The following RPGRIP1L variants were observed in gnomAD, a reference collection of about 807,000 sequenced individuals.
RPGRIP1L encodes protein fantom.
RPGRIP1L carries 131 observed loss-of-function variants against 160.4 expected under a neutral mutation model. The ratio of observed to expected loss-of-function variants is 0.82; its 90% confidence interval spans 0.71 to 0.94. The LOEUF is 0.94. Ranked by LOEUF, RPGRIP1L falls within the 40% of genes least tolerant of loss-of-function variation. RPGRIP1L has a pLI of 0.00. For synonymous variants in RPGRIP1L, 510 were observed against 515.8 expected, an observed-to-expected ratio of 0.99 and a Z score of 0.15; for missense variants, 1,522 against 1,535.8, an observed-to-expected ratio of 0.99 and a Z score of 0.15.
At chr16:53,682,918 A>T (rs575535436) in intron 6 of RPGRIP1L, among the ~76,000 whole-genome samples, 1 of 152,284 alleles carries the variant, frequency 6.6e-6, no homozygotes, top group African/African-American at 2.4e-5. Context: ...AAAAATATTC[A>T]TGTTTCTTTT....
At chr16:53,700,550 T>G in intron 2 of RPGRIP1L, 89 bp downstream of exon 2, 1 of 1,002,290 alleles carries the variant, frequency 1.0e-6, no homozygotes, top group Non-Finnish European at 1.6e-6. Flanking sequence ...ACTTAAATGG[T>G]TTGGTTTGTA....
At chr16:53,674,922 GTTA>G in intron 7 of RPGRIP1L, 92 bp downstream of exon 7, 1 of 758,952 alleles carries the variant, frequency 1.3e-6, no homozygotes, top group East Asian at 2.7e-5. Flanking sequence ...ATGTTCTAGT[GTTA>G]TGATAATTCC....
chr16:53,697,892 G>A (rs1232098147), intron 2 of RPGRIP1L, among the ~76,000 whole-genome samples: 1 of 150,990 alleles, frequency 6.6e-6, no homozygotes, highest in African/African-American at 2.4e-5. Flanking sequence ...TCTCTGCCCG[G>A]CCGCCATCCC....
At chr16:53,690,308 T>A (rs1361395843) in intron 4 of RPGRIP1L, among the ~76,000 whole-genome samples, 1 of 152,144 alleles carries the variant, frequency 6.6e-6, no homozygotes, top group African/African-American at 2.4e-5. Flanking sequence ...GTGATTCTCC[T>A]GCCTCGGCTT....
chr16:53,657,240 CA>C (rs566844630), intron 13 of RPGRIP1L, among the ~76,000 whole-genome samples: 7 of 143,046 alleles, frequency 4.9e-5, no homozygotes, highest in East Asian at 4.1e-4. Flanking sequence ...AACTCTGTCT[CA>C]AAAAAAAAAC....
At chr16:53,696,015 T>A in intron 3 of RPGRIP1L, 136 bp downstream of exon 3, 1 of 854,044 alleles carries the variant, frequency 1.2e-6, no homozygotes, top group East Asian at 2.5e-5. Flanking sequence ...TTTCCATTTT[T>A]AAAAATTGTA....
At chr16:53,695,958 A>C (rs1299300699) in intron 3 of RPGRIP1L, 193 bp downstream of exon 3, 1 of 558,316 alleles carries the variant, frequency 1.8e-6, no homozygotes, top group Non-Finnish European at 3.2e-6. Context: ...ATTCAGACAT[A>C]ATAAACACTC....
chr16:53,672,113 T>C lies in RPGRIP1L; in HGVS notation c.1030-530A>G, dbSNP rs193043959. On this transcript the variant is annotated intron_variant, in intron 8 of 26. Coordinates refer to ENST00000647211, the MANE Select transcript of RPGRIP1L (RefSeq NM_015272.5). Reference sequence around the variant, plus strand: ...TTTGTGAATAAATGAATAAACAAACTTACATACTGTTTTAGCCCATGAACA... The same window carrying C: ...TTTGTGAATAAATGAATAAACAAACCTACATACTGTTTTAGCCCATGAACA... 3.9e-5 allele frequency among the ~76,000 whole-genome samples: 6 copies of C among 152,264 alleles called. No individual in the cohort carries two copies. The East Asian group carries it at 1.2e-3, about 29-fold the overall frequency.
rs558509107 is a variant in RPGRIP1L at position 53,650,791 on chromosome 16, C to A, written c.2153-1676G>T. Among the ~76,000 whole-genome samples, 4 of 152,300 alleles carry A rather than the reference C, an allele frequency of 2.6e-5. No homozygotes were observed. In the South Asian group the frequency reaches 8.3e-4, roughly 32 times the overall value. On this transcript the variant is annotated intron_variant, in intron 15 of 26. Transcript: ENST00000647211. ...TCTTCAAATACTTTCTTCACTTGGT[C>A]TCTGGGGTACCACAGACTCGTTTTC...
chr16:53,665,639 C>T (rs768535087), intron 9 of RPGRIP1L, among the ~76,000 whole-genome samples: 2 of 152,036 alleles, frequency 1.3e-5, no homozygotes, highest in African/African-American at 4.8e-5. Context: ...ATAAGAATGA[C>T]GAAAATAGAA....
At chr16:53,650,833 C>A (rs532966006) in intron 15 of RPGRIP1L, among the ~76,000 whole-genome samples, 23 of 152,134 alleles carry the variant, frequency 1.5e-4, no homozygotes, top group Non-Finnish European at 2.9e-4. Flanking sequence ...CATCACTGGC[C>A]ACTCCTCAGT....
chr16:53,678,945 T>C (rs1415383096), intron 6 of RPGRIP1L, among the ~76,000 whole-genome samples: 1 of 152,202 alleles, frequency 6.6e-6, no homozygotes, highest in Non-Finnish European at 1.5e-5. Context: ...GGCTATCCCC[T>C]ATGACTAGGG....
chr16:53,636,023 A>G (rs62050408), intron 22 of RPGRIP1L, among the ~76,000 whole-genome samples: 8,657 of 152,252 alleles, frequency 0.057, 420 homozygotes, highest in African/African-American at 0.13. Flanking sequence ...ACATATTATC[A>G]GTGGATATAT....
chr16:53,672,334 C>T (rs1266230759), intron 8 of RPGRIP1L, among the ~76,000 whole-genome samples: 1 of 152,068 alleles, frequency 6.6e-6, no homozygotes, highest in Non-Finnish European at 1.5e-5. Context: ...AAAAGATTCT[C>T]CCAAGATCAG....
chr16:53,653,376 TTAAC>T, intron 14 of RPGRIP1L: 4 of 1,039,138 alleles, frequency 3.8e-6, no homozygotes, highest in Non-Finnish European at 4.6e-6. Flanking sequence ...CTCCTTTCCT[TTAAC>T]TTATTAAGAT....
chr16:53,702,995 G>C (rs146544075), intron 1 of RPGRIP1L, among the ~76,000 whole-genome samples: 1 of 152,216 alleles, frequency 6.6e-6, no homozygotes, highest in African/African-American at 2.4e-5. Flanking sequence ...TTGGCTGTGC[G>C]TGGTGGCTCA....
intron 9 of RPGRIP1L, among the ~76,000 whole-genome samples, chr16:53,667,485 C>T (rs965585508): frequency 6.6e-6 from 1 of 152,200 alleles, no homozygotes; most frequent in Non-Finnish European, 1.5e-5. Context: ...TGCCTGTAAT[C>T]CCAATGCTTT....
chr16:53,663,579 G>A (rs137903795), intron 10 of RPGRIP1L, among the ~76,000 whole-genome samples: 2 of 152,138 alleles, frequency 1.3e-5, no homozygotes, highest in East Asian at 3.9e-4. Context: ...AAAGCACTCT[G>A]TTAGGTATTT....
chr16:53,687,144 G>A (rs1970077596), intron 5 of RPGRIP1L, among the ~76,000 whole-genome samples: 2 of 152,094 alleles, frequency 1.3e-5, no homozygotes, highest in Non-Finnish European at 2.9e-5. Flanking sequence ...TACTGTAGCT[G>A]CTATTTAAAA....
Sources: allele counts gnomAD v4.1 joint callset (sites outside exome capture counted in the v4.1 genomes callset), GRCh38; gene constraint gnomAD v4.1.1; transcripts MANE v1.5; gene names NCBI Gene and HGNC (gene_info 2026-07-23, HGNC 2026-07-21).